The following CNOT1 variants were observed in gnomAD, a reference collection of about 807,000 sequenced individuals.
The protein encoded by CNOT1 is CCR4-NOT transcription complex subunit 1, also known as CCR4-associated factor 1.
CNOT1 carries 15 observed loss-of-function variants against 273.8 expected under a neutral mutation model. The ratio of observed to expected loss-of-function variants is 0.05; its 90% CI spans 0.04 to 0.08. CNOT1 has a LOEUF of 0.08. Among genes scored for constraint, CNOT1 ranks in the 10% least tolerant of loss-of-function variants. The pLI is 1.00. For synonymous variants in CNOT1, 1,022 were observed against 1,005.5 expected (o/e 1.02, Z -0.31); for missense variants, 1,644 against 2,912.2 (o/e 0.56, Z 10.02).
intron 19 of CNOT1, among the ~76,000 whole-genome samples, 194 bp downstream of exon 19, chr16:58,556,653 T>C (rs929563917): frequency 2.0e-5 from 3 of 152,236 alleles, no homozygotes; most frequent in Non-Finnish European, 4.4e-5. Context: ...ACCCTCAGGA[T>C]GCAGCCTCTT....
At chr16:58,524,956 C>T (rs1480451888) in intron 46 of CNOT1, among the ~76,000 whole-genome samples, 1 of 152,248 alleles carries the variant, frequency 6.6e-6, no homozygotes, top group Non-Finnish European at 1.5e-5. Context: ...AAAACTGATA[C>T]TGCACGATTC....
rs200053031 is a variant in CNOT1 at position 58,620,653 on chromosome 16, TAAAAA to T, written c.-175+9070_-175+9074del. ...GACACAGCGAAGACTCTGTCTCATT[TAAAAA>T]AAAAAAAAAAAAAAAAAAAGAGGAC... On this transcript the variant is annotated intron_variant, in intron 1 of 48. Coordinates refer to ENST00000317147, the MANE Select transcript of CNOT1 (RefSeq NM_016284.5). Among the ~76,000 whole-genome samples, 22 of 106,836 alleles carry T rather than the reference TAAAAA, an allele frequency of 2.1e-4. 1 individual carries two copies. In the East Asian group the frequency reaches 2.2e-3, roughly 11 times the overall value. 70.1% of individuals were successfully genotyped at this position (106,836 alleles called of 152,430 possible).
At chr16:58,621,604 G>C (rs1433614136) in intron 1 of CNOT1, among the ~76,000 whole-genome samples, 9 of 149,838 alleles carry the variant, frequency 6.0e-5, no homozygotes, top group Non-Finnish European at 1.3e-4. Flanking sequence ...AGGCCTTATA[G>C]TTTGTCCAAA....
chr16:58,543,471 T>G, intron 31 of CNOT1, 136 bp downstream of exon 31: 1 of 1,507,058 alleles, frequency 6.6e-7, no homozygotes, highest in Non-Finnish European at 8.9e-7. Flanking sequence ...TCTAAAATGA[T>G]GGAAGACATC....
chr16:58,622,739 C>T (rs973193199), intron 1 of CNOT1, among the ~76,000 whole-genome samples: 3 of 150,292 alleles, frequency 2.0e-5, no homozygotes, highest in Non-Finnish European at 4.4e-5. Context: ...CCCACCTACT[C>T]GGGAGGCTGA....
intron 47 of CNOT1, 25 bp downstream of exon 47, chr16:58,523,345 T>C: frequency 1.3e-6 from 2 of 1,560,126 alleles, no homozygotes; most frequent in Admixed American, 1.9e-5. Context: ...TTTTGAAGCA[T>C]TTAAAAAATA....
At chr16:58,553,545 A>G (rs1210733056) in intron 22 of CNOT1, among the ~76,000 whole-genome samples, 1 of 152,230 alleles carries the variant, frequency 6.6e-6, no homozygotes, top group African/African-American at 2.4e-5. Flanking sequence ...GAATGAGTAA[A>G]AAGTTTTTGA....
intron 2 of CNOT1, among the ~76,000 whole-genome samples, chr16:58,594,208 T>C (rs1342368976): frequency 6.6e-6 from 1 of 151,766 alleles, no homozygotes; most frequent in African/African-American, 2.4e-5. Context: ...CATGCCACTG[T>C]ACTCCAGCCT....
intron 12 of CNOT1, among the ~76,000 whole-genome samples, chr16:58,579,975 C>A (rs1458186223): frequency 6.6e-6 from 1 of 152,204 alleles, no homozygotes; most frequent in South Asian, 2.1e-4. Flanking sequence ...TTTGAGAGAC[C>A]GAGGCGGATG....
intron 42 of CNOT1, 83 bp downstream of exon 42, chr16:58,531,875 C>T (rs2039788323): frequency 6.8e-7 from 1 of 1,480,544 alleles, no homozygotes; most frequent in Non-Finnish European, 9.2e-7. Flanking sequence ...TACTAAATGA[C>T]TAATAGAAAT....
intron 47 of CNOT1, among the ~76,000 whole-genome samples, chr16:58,522,448 A>G (rs1277348744): frequency 1.3e-5 from 2 of 152,182 alleles, no homozygotes; most frequent in East Asian, 1.9e-4. Flanking sequence ...TAAGCATCCA[A>G]TAAGATATTA....
chr16:58,627,157 C>T (rs1567454842), intron 1 of CNOT1, among the ~76,000 whole-genome samples: 1 of 151,866 alleles, frequency 6.6e-6, no homozygotes, highest in Non-Finnish European at 1.5e-5. Flanking sequence ...GTCTGTAATC[C>T]CAGCACTTTG....
chr16:58,525,877 T>G (rs551639773), intron 45 of CNOT1, 112 bp downstream of exon 45: 1 of 864,642 alleles, frequency 1.2e-6, no homozygotes, highest in African/African-American at 1.7e-5. Context: ...CCTCACCCAA[T>G]TGATGGAAAT....
Position 58,520,777 on chromosome 16 carries a change from T to G in CNOT1, c.*181A>C. The G allele has an allele frequency of 1.6e-6, 1 of 620,870 alleles. No individual in the cohort carries two copies. Among genetic ancestry groups the G allele is most frequent in the Non-Finnish European group, 2.8e-6 (1 of 360,982 alleles). The allele number at this position is 620,870 out of a possible 1,614,324, so 38.5% of individuals were successfully genotyped here. Reference sequence around the variant, plus strand: ...TTTGGCCAAGAGTCAAAAAAATGCATTTAAACTTTGGAACGTGCCCACATA... The same window carrying G: ...TTTGGCCAAGAGTCAAAAAAATGCAGTTAAACTTTGGAACGTGCCCACATA... On this transcript the variant is annotated 3_prime_UTR_variant, in exon 49 of 49. Coordinates refer to ENST00000317147, the MANE Select transcript of CNOT1 (RefSeq NM_016284.5).
At chr16:58,560,944 G>A (rs62067279) in intron 16 of CNOT1, among the ~76,000 whole-genome samples, 6,262 of 152,240 alleles carry the variant, frequency 0.041, 413 homozygotes, top group East Asian at 0.26. Context: ...AGAATCACTC[G>A]AATCTGGGAG....
In CNOT1 at chr16:58,530,239, T is replaced by TA. The variant is rs779851935; in HGVS notation, c.6279+6dup. ...ATTTTAATTTATAATAAATCCAAGT[T>TA]AATTACCTTGTAGAGGATTTGCATA... On this transcript the variant is annotated splice_region_variant and intron_variant, in intron 43 of 48. Transcript: ENST00000317147. The TA allele has an allele frequency of 6.3e-7, 1 of 1,580,068 alleles. No individual in the cohort carries two copies. Among genetic ancestry groups the TA allele is most frequent in the Admixed American group, 1.7e-5 (1 of 58,040 alleles).
chr16:58,586,261 G>A (rs13333442), intron 7 of CNOT1, among the ~76,000 whole-genome samples: 124 of 192 alleles, frequency 0.65, 44 homozygotes, highest in African/African-American at 0.85. Context: ...GAGGGGAGGC[G>A]AGGGGAGGGG....
chr16:58,591,619 C>A (rs1422494822), intron 2 of CNOT1, among the ~76,000 whole-genome samples: 1 of 151,820 alleles, frequency 6.6e-6, no homozygotes, highest in Non-Finnish European at 1.5e-5. Context: ...CCGGACGTGG[C>A]GGCATGCTCC....
At chr16:58,600,151 T>G (rs1361979357) in intron 1 of CNOT1, among the ~76,000 whole-genome samples, 12 of 150,574 alleles carry the variant, frequency 8.0e-5, no homozygotes, top group Non-Finnish European at 1.2e-4. Context: ...TCGTGACCAG[T>G]CTGGCCAACA....
Sources: allele counts gnomAD v4.1 joint callset (sites outside exome capture counted in the v4.1 genomes callset), GRCh38; gene constraint gnomAD v4.1.1; transcripts MANE v1.5; gene names NCBI Gene and HGNC (gene_info 2026-07-23, HGNC 2026-07-21).